SH3RF1: variants seen among roughly 807,000 people sequenced by gnomAD.
SH3RF1 encodes the protein E3 ubiquitin-protein ligase SH3RF1.
In SH3RF1, 32 loss-of-function variants were observed where a neutral mutation model predicts 74.0. The ratio of observed to expected loss-of-function variants is 0.43; its 90% CI spans 0.33 to 0.58. The LOEUF is 0.58. SH3RF1 is among the 20% of genes least tolerant of loss of function. SH3RF1 has a pLI of 0.05. For synonymous variants in SH3RF1, 396 were observed against 439.6 expected (o/e 0.90, Z 1.24); for missense variants, 954 against 1,130.9 (o/e 0.84, Z 2.24).
At chr4:169,149,500 T>G (rs1733943269) in intron 4 of SH3RF1, among the ~76,000 whole-genome samples, 2 of 152,232 alleles carry the variant, frequency 1.3e-5, no homozygotes, top group Admixed American at 1.3e-4. Context: ...GCAGATCCAA[T>G]GTATTCAGTC....
chr4:169,244,245 A>G (rs1261026013), intron 2 of SH3RF1, among the ~76,000 whole-genome samples: 1 of 152,204 alleles, frequency 6.6e-6, no homozygotes, highest in Non-Finnish European at 1.5e-5. Flanking sequence ...TGCCCTGCAC[A>G]AACACACAAA....
In SH3RF1 at chr4:169,120,917, T is replaced by C; in HGVS notation, c.1419A>G (p.Leu473=). The part of the protein sequence containing the change: ...ELELRKGEMF[L]VFERCQDGWF... ...AGCCATCCTGGCAGCGCTCAAACAC[T>C]AAAAACATCTCCCCTTTTCTCAGCT... Residue 473 remains leucine, a synonymous_variant, in exon 8 of 12, where the codon TTA becomes TTG. Coordinates refer to ENST00000284637, the MANE Select transcript of SH3RF1 (RefSeq NM_020870.4). 2 of 1,614,150 alleles carry C rather than the reference T, an allele frequency of 1.2e-6. No individual in the cohort carries two copies. Among genetic ancestry groups the C allele is most frequent in the African/African-American group, 1.3e-5 (1 of 75,048 alleles).
chr4:169,114,312 A>G (rs1733294068), intron 10 of SH3RF1, among the ~76,000 whole-genome samples: 1 of 152,140 alleles, frequency 6.6e-6, no homozygotes, highest in African/African-American at 2.4e-5. Context: ...CTGCTTCACC[A>G]TCACGTCTCC....
chr4:169,116,123 C>G, intron 10 of SH3RF1, 146 bp downstream of exon 10: 2 of 1,145,724 alleles, frequency 1.7e-6, no homozygotes, highest in Non-Finnish European at 2.4e-6. Context: ...ACTCCTAGCA[C>G]CTGGCATAGT....
Position 169,100,252 on chromosome 4 carries a change from G to T in SH3RF1, c.2499-3565C>A, listed in dbSNP as rs189737603. 3.3e-5 allele frequency among the ~76,000 whole-genome samples: 5 copies of T among 152,244 alleles called. No individual in the cohort carries two copies. The East Asian group carries it at 7.7e-4, about 24-fold the overall frequency. On this transcript the variant is annotated intron_variant, in intron 11 of 11. Coordinates refer to ENST00000284637, the MANE Select transcript of SH3RF1 (RefSeq NM_020870.4). The stretch of plus-strand genomic sequence containing the variant: ...TCCCATGACCTACATGGGACCTGCT[G>T]ATCTACCTTCAAAATCTGCATCCCA...
chr4:169,173,680 T>C (rs1734368178), intron 2 of SH3RF1, among the ~76,000 whole-genome samples: 1 of 152,098 alleles, frequency 6.6e-6, no homozygotes, highest in East Asian at 1.9e-4. Flanking sequence ...ATACCTTCCC[T>C]TAATTTGAGA....
intron 2 of SH3RF1, among the ~76,000 whole-genome samples, chr4:169,235,436 A>G (rs1332929824): frequency 2.0e-5 from 3 of 152,182 alleles, no homozygotes; most frequent in Non-Finnish European, 4.4e-5. Context: ...ATGATATGAT[A>G]ACTCTGTAAG....
At chr4:169,241,948 T>C (rs1369326122) in intron 2 of SH3RF1, among the ~76,000 whole-genome samples, 1 of 152,108 alleles carries the variant, frequency 6.6e-6, no homozygotes, top group Admixed American at 6.5e-5. Flanking sequence ...AGATTTAAAA[T>C]GTGAAATAAA....
At chr4:169,217,161 CA>C (rs563116493) in intron 2 of SH3RF1, 2,467 of 70,700 alleles carry the variant, frequency 0.035, 34 homozygotes, top group African/African-American at 0.1. Context: ...GACCCTGTCT[CA>C]AAAAAAAAAA....
At chr4:169,204,290 C>A (rs540421886) in intron 2 of SH3RF1, among the ~76,000 whole-genome samples, 2 of 20,194 alleles carry the variant, frequency 9.9e-5, no homozygotes, top group Admixed American at 1.7e-3. Context: ...TTTAATCAAA[C>A]TAATTCAATG....
chr4:169,152,195 C>T (rs949471218), intron 4 of SH3RF1, among the ~76,000 whole-genome samples: 1 of 152,096 alleles, frequency 6.6e-6, no homozygotes, highest in Non-Finnish European at 1.5e-5. Flanking sequence ...TTGAATAGAA[C>T]CCATAACCTC....
intron 2 of SH3RF1, among the ~76,000 whole-genome samples, chr4:169,179,823 G>C (rs1457876396): frequency 6.6e-6 from 1 of 152,150 alleles, no homozygotes; most frequent in East Asian, 1.9e-4. Flanking sequence ...ACAGCTGGTT[G>C]GACTTTTCAA....
At position 169,220,957 on chromosome 4, in the gene SH3RF1, T is replaced by C. The variant is rs750757248; in HGVS notation, c.393+47863A>G. ...TAAATTTGCCTTCAAGGCAGAAGTT[T>C]AGCAGACAAACAATTCTGGTTTAGT... On this transcript the variant is annotated intron_variant, in intron 2 of 11. Coordinates refer to ENST00000284637, the MANE Select transcript of SH3RF1 (RefSeq NM_020870.4). Among the ~76,000 whole-genome samples the C allele has an allele frequency of 5.9e-5, 9 of 152,226 alleles. No homozygotes were observed. In the South Asian group the frequency reaches 1.9e-3, roughly 31 times the overall value.
chr4:169,149,715 T>A (rs1733946658), intron 4 of SH3RF1, among the ~76,000 whole-genome samples: 1 of 152,314 alleles, frequency 6.6e-6, no homozygotes, highest in East Asian at 1.9e-4. Flanking sequence ...ATTTAACTTT[T>A]TAATTTTTAA....
chr4:169,269,082 C>A lies in SH3RF1; in HGVS notation c.131G>T (p.Arg44Leu). The change falls in exon 2 of 12, where the codon CGA becomes CTA. Residue 44 changes from arginine to leucine, a missense_variant. By Grantham distance (102) the Arg-to-Leu change is moderately radical. Transcript: ENST00000284637. ...GCACTCGGGACATCTGAGTTCATTT[C>A]GAGAACCTACGATCCCCAGCAAACA... ...KRCLLGIVGS[R>L]NELRCPECRT... 6.2e-7 allele frequency: 1 copy of A among 1,614,154 alleles called. No individual in the cohort carries two copies. The highest frequency in any genetic ancestry group is 8.5e-7 in the Non-Finnish European group (1 of 1,180,028).
At chr4:169,242,533 C>T (rs1366794350) in intron 2 of SH3RF1, among the ~76,000 whole-genome samples, 1 of 152,158 alleles carries the variant, frequency 6.6e-6, no homozygotes, top group Non-Finnish European at 1.5e-5. Flanking sequence ...TGGGTCCCAG[C>T]TCCAGGAAAT....
intron 2 of SH3RF1, among the ~76,000 whole-genome samples, chr4:169,194,857 T>C (rs922073784): frequency 6.6e-6 from 1 of 152,218 alleles, no homozygotes. Context: ...TTTGTGGGTA[T>C]AGTGGTTTTG....
At chr4:169,254,791 G>C (rs1731160071) in intron 2 of SH3RF1, among the ~76,000 whole-genome samples, 1 of 152,194 alleles carries the variant, frequency 6.6e-6, no homozygotes, top group Non-Finnish European at 1.5e-5. Flanking sequence ...TTCTGGACCT[G>C]AACCCAAGCA....
At chr4:169,258,302 T>C (rs1731222780) in intron 2 of SH3RF1, among the ~76,000 whole-genome samples, 1 of 152,202 alleles carries the variant, frequency 6.6e-6, no homozygotes, top group South Asian at 2.1e-4. Flanking sequence ...GCTGCCAGAT[T>C]TGAACTTTCT....
Sources: gnomAD v4.1 joint callset for allele counts (sites outside exome capture counted in the v4.1 genomes callset) on GRCh38, gnomAD v4.1.1 for gene constraint, MANE v1.5 for transcripts, NCBI Gene and HGNC (gene_info 2026-07-23, HGNC 2026-07-21) for gene names.